DGCR2: variants seen among roughly 807,000 people sequenced by gnomAD.
DGCR2 encodes integral membrane protein DGCR2/IDD.
A neutral mutation model predicts 51.6 loss-of-function variants in DGCR2; 24 were observed. The ratio of observed to expected loss-of-function variants is 0.47; its 90% CI spans 0.34 to 0.65. The LOEUF (loss-of-function observed/expected upper bound fraction) is 0.65, where lower values mean the gene tolerates loss of function less well. Ranked by LOEUF, DGCR2 falls within the 30% of genes least tolerant of loss-of-function variation. The pLI, the probability that DGCR2 is intolerant of heterozygous loss-of-function variation, is 0.01. For missense variants in DGCR2, 765 were observed against 772.1 expected, an observed-to-expected ratio of 0.99 and a Z score of 0.11; for synonymous variants, 340 against 315.4, an observed-to-expected ratio of 1.08 and a Z score of -0.82.
intron 5 of DGCR2, chr22:19,061,289 T>A (rs1416029948): frequency 6.5e-6 from 1 of 153,324 alleles, no homozygotes; most frequent in African/African-American, 2.4e-5. Context: ...ACTCTGCAGC[T>A]TGCTTTTGGT....
chr22:19,059,394 C>T (rs537921671), intron 5 of DGCR2, among the ~76,000 whole-genome samples: 3 of 152,106 alleles, frequency 2.0e-5, no homozygotes, highest in Non-Finnish European at 2.9e-5. Flanking sequence ...GGAGGCTTCC[C>T]GATACTGCAC....
intron 1 of DGCR2, among the ~76,000 whole-genome samples, chr22:19,105,753 A>T (rs2083255215): frequency 6.6e-6 from 1 of 152,192 alleles, no homozygotes; most frequent in Non-Finnish European, 1.5e-5. Context: ...AAGTGAGGAA[A>T]GGCAGGACCT....
In DGCR2 at chr22:19,099,242, C is replaced by T. The variant is rs189614988; in HGVS notation, c.80-9752G>A. ...TCCAGCACAGCACACCAGATGGTGA[C>T]TCCAACAGGTCAAACTGGCATTGCT... is the stretch of plus-strand genomic sequence containing the variant. On this transcript the variant is annotated intron_variant, in intron 1 of 9. Transcript: ENST00000263196. 4.7e-4 allele frequency among the ~76,000 whole-genome samples: 72 copies of T among 152,302 alleles called. 1 individual carries two copies. The highest frequency in any genetic ancestry group is 1.7e-3 in the African/African-American group (69 of 41,566).
chr22:19,062,772 CA>C, intron 5 of DGCR2, among the ~76,000 whole-genome samples: 1 of 137,086 alleles, frequency 7.3e-6, no homozygotes, highest in African/African-American at 2.7e-5. Flanking sequence ...CACACACATG[CA>C]TGCTCACTCT....
chr22:19,102,576 C>CCTGTAGTAG (rs2083214309), intron 1 of DGCR2, among the ~76,000 whole-genome samples: 1 of 152,078 alleles, frequency 6.6e-6, no homozygotes, highest in Non-Finnish European at 1.5e-5. Flanking sequence ...GTGGCGGGCA[C>CCTGTAGTAG]CTGTAGTCCC....
chr22:19,083,923 T>C (rs1417423620), intron 2 of DGCR2, among the ~76,000 whole-genome samples: 1 of 152,160 alleles, frequency 6.6e-6, no homozygotes, highest in Non-Finnish European at 1.5e-5. Flanking sequence ...GGTTTTGCTG[T>C]GTTGGCCGGG....
intron 6 of DGCR2, among the ~76,000 whole-genome samples, chr22:19,055,098 G>A (rs1216952327): frequency 1.3e-5 from 2 of 151,902 alleles, no homozygotes; most frequent in South Asian, 4.2e-4. Flanking sequence ...CCTGGGTGAC[G>A]GGGCAAGACT....
chr22:19,097,260 T>C lies in DGCR2; in HGVS notation c.80-7770A>G, dbSNP rs184394785. 5.3e-5 allele frequency among the ~76,000 whole-genome samples: 8 copies of C among 152,130 alleles called. No individual in the cohort carries two copies. The East Asian group carries it at 1.5e-3, about 29-fold the overall frequency. ...CTATATATATATATACATATATAGATATGTAAGTGAAACAGCCAGGTGCAG... is the reference window on the plus strand; with the variant it reads ...CTATATATATATATACATATATAGACATGTAAGTGAAACAGCCAGGTGCAG... On this transcript the variant is annotated intron_variant, in intron 1 of 9. Transcript: ENST00000263196.
At position 19,068,112 on chromosome 22, in the gene DGCR2, C is replaced by T. The variant is rs28434427; in HGVS notation, c.316G>A (p.Val106Ile). The change falls in exon 3 of 10, where the codon GTT becomes ATT. Residue 106 changes from valine to isoleucine, a missense_variant. Val to Ile is a conservative substitution (Grantham distance 29, BLOSUM62 3). Coordinates refer to ENST00000263196, the MANE Select transcript of DGCR2 (RefSeq NM_005137.3). ...HFHAVNVAQP[V>I]RFSSFLGKCP... ...GTCTGCAACTTACTGCTGAAGCGAA[C>T]GGGCTGCGCCACGTTCACCGCGTGG... The T allele has an allele frequency of 8.3e-5, 132 of 1,588,326 alleles. No individual in the cohort carries two copies. The highest frequency in any genetic ancestry group is 1.1e-4 in the Non-Finnish European group (124 of 1,169,144).
At chr22:19,063,525 T>TTC (rs2082711801) in intron 4 of DGCR2, among the ~76,000 whole-genome samples, 1 of 151,436 alleles carries the variant, frequency 6.6e-6, no homozygotes, top group African/African-American at 2.4e-5. Flanking sequence ...TTTTTTTTTT[T>TTC]TTTTTAGTAG....
intron 2 of DGCR2, among the ~76,000 whole-genome samples, chr22:19,080,160 A>C (rs1423601333): frequency 6.6e-6 from 1 of 152,168 alleles, no homozygotes; most frequent in African/African-American, 2.4e-5. Flanking sequence ...GACAGGCCTG[A>C]GCATCCTACT....
At chr22:19,121,407 T>A (rs924972775) in intron 1 of DGCR2, 1 of 152,152 alleles carries the variant, frequency 6.6e-6, no homozygotes, top group African/African-American at 2.4e-5. Flanking sequence ...TTTAGGGAGT[T>A]TGATTTTTTG....
chr22:19,096,142 A>G (rs919754548), intron 1 of DGCR2, among the ~76,000 whole-genome samples: 7 of 152,142 alleles, frequency 4.6e-5, no homozygotes, highest in Admixed American at 2.0e-4. Context: ...AGTGTATTCT[A>G]GGTCTTCAGT....
chr22:19,101,225 A>G (rs1195483093), intron 1 of DGCR2, among the ~76,000 whole-genome samples: 1 of 152,202 alleles, frequency 6.6e-6, no homozygotes, highest in Non-Finnish European at 1.5e-5. Flanking sequence ...GCATGTACTC[A>G]AGAGAATTAA....
intron 2 of DGCR2, among the ~76,000 whole-genome samples, chr22:19,072,899 TA>T (rs1313935220): frequency 4.6e-5 from 7 of 151,464 alleles, no homozygotes; most frequent in Middle Eastern, 3.4e-3. Context: ...AATTTTTTTT[TA>T]AAAAAAAGGA....
chr22:19,065,273 C>A (rs541617168), intron 3 of DGCR2: 1 of 579,358 alleles, frequency 1.7e-6, no homozygotes, highest in Admixed American at 3.0e-5. Context: ...GATACAAGTA[C>A]ATTCGGTGAC....
At position 19,122,405 on chromosome 22, in the gene DGCR2, C is replaced by T; in HGVS notation, c.-199G>A. On this transcript the variant is annotated 5_prime_UTR_variant, in exon 1 of 10. Transcript: ENST00000263196. The stretch of plus-strand genomic sequence containing the variant: ...ACCTCAGGCACCGACTCCAGCTGCG[C>T]GCAAGATGGCGGCCGTCCTGCTCGG... The T allele has an allele frequency of 2.4e-6, 1 of 414,618 alleles. No individual in the cohort carries two copies. The highest frequency in any genetic ancestry group is 4.3e-6 in the Non-Finnish European group (1 of 233,640). 25.7% of individuals were successfully genotyped at this position (414,618 alleles called of 1,614,324 possible).
intron 2 of DGCR2, among the ~76,000 whole-genome samples, chr22:19,074,635 T>C (rs896892053): frequency 6.6e-6 from 1 of 151,940 alleles, no homozygotes; most frequent in Non-Finnish European, 1.5e-5. Context: ...GCTAAAACAA[T>C]GTTTGCCTTG....
At chr22:19,052,596 A>C (rs955393255) in intron 6 of DGCR2, among the ~76,000 whole-genome samples, 16 of 147,692 alleles carry the variant, frequency 1.1e-4, no homozygotes, top group Non-Finnish European at 2.2e-4. Flanking sequence ...AACATAGCGA[A>C]ATCCCGCCTC....
Sources: gnomAD v4.1 joint callset for allele counts (sites outside exome capture counted in the v4.1 genomes callset) on GRCh38, gnomAD v4.1.1 for gene constraint, MANE v1.5 for transcripts, NCBI Gene and HGNC (gene_info 2026-07-23, HGNC 2026-07-21) for gene names.